The following IL1RL2 variants were observed in gnomAD, a reference collection of about 807,000 sequenced individuals.
IL1RL2 encodes the protein interleukin 1 receptor like 2, also known as interleukin-1 receptor-like 2.
Under a neutral mutation model 66.8 loss-of-function variants are expected in IL1RL2, and 68 were observed. The observed-to-expected ratio is 1.02, with a 90% confidence interval of 0.84 to 1.25. IL1RL2 has a LOEUF of 1.25. IL1RL2 is among the 50% of genes most tolerant of loss of function. The pLI is 0.00. For missense variants in IL1RL2, 729 were observed against 709.3 expected (o/e 1.03, Z -0.32); for synonymous variants, 305 against 264.6 (o/e 1.15, Z -1.48).
In IL1RL2 at chr2:102,225,943, T is replaced by C. The variant is rs1174434909; in HGVS notation, c.1037T>C (p.Val346Ala). 1 of 1,607,992 alleles carries C rather than the reference T, an allele frequency of 6.2e-7. No homozygotes were observed. The highest frequency in any genetic ancestry group is 8.5e-7 in the Non-Finnish European group (1 of 1,176,930). The change falls in exon 9 of 12, where the codon GTG becomes GCG. Residue 346 changes from valine to alanine, a missense_variant. Transcript: ENST00000264257. The stretch of plus-strand genomic sequence containing the variant: ...TTGATAGGAGGGCTTATCGCCTTGG[T>C]GGCTGTGGCTGTGTCTGTTGTGTAC... ...AYLIGGLIAL[V>A]AVAVSVVYIY...
intron 9 of IL1RL2, among the ~76,000 whole-genome samples, chr2:102,231,493 C>T (rs1369478215): frequency 6.7e-6 from 1 of 148,934 alleles, no homozygotes; most frequent in East Asian, 1.9e-4. Context: ...AGTGAGACTC[C>T]ATCTAAAAAT....
At chr2:102,195,598 T>G (rs1687633548) in intron 4 of IL1RL2, among the ~76,000 whole-genome samples, 2 of 17,822 alleles carry the variant, frequency 1.1e-4, no homozygotes, top group African/African-American at 3.2e-4. Context: ...TCTTTCTTTC[T>G]TTCTTTCTTT....
At chr2:102,187,227 C>G (rs1686759131) in intron 1 of IL1RL2, 141 bp downstream of exon 1, 2 of 1,203,292 alleles carry the variant, frequency 1.7e-6, no homozygotes, top group African/African-American at 3.1e-5. Flanking sequence ...CCCCGACCGG[C>G]TAGGTGACCA....
chr2:102,235,741 A>G (rs1202207788), intron 11 of IL1RL2: 6 of 985,312 alleles, frequency 6.1e-6, no homozygotes, highest in African/African-American at 1.7e-5. Flanking sequence ...ACGCCTGTCC[A>G]GTGTCTTCAG....
intron 4 of IL1RL2, among the ~76,000 whole-genome samples, chr2:102,198,313 G>A (rs1687954683): frequency 6.6e-6 from 1 of 152,182 alleles, no homozygotes; most frequent in Non-Finnish European, 1.5e-5. Context: ...CTTACGTCTG[G>A]GAGAATTGAA....
At position 102,235,276 on chromosome 2, in the gene IL1RL2, A is replaced by C; in HGVS notation, c.1677A>C (p.Ala559=). The C allele has an allele frequency of 1.9e-6, 3 of 1,611,750 alleles. No individual in the cohort carries two copies. Among genetic ancestry groups the C allele is most frequent in the Non-Finnish European group, 2.5e-6 (3 of 1,178,888 alleles). The change falls in exon 11 of 12, where the codon GCA becomes GCC. Residue 559 remains alanine, a splice_region_variant and synonymous_variant. Transcript: ENST00000264257. ...LLQHTPCYRT[A]GPELGSRRKK... ...AGCACACACCTTGCTACCGCACCGC[A>C]GGTGAGCGGGTGGGAGGACACGAGG...
intron 9 of IL1RL2, among the ~76,000 whole-genome samples, 195 bp downstream of exon 9, chr2:102,226,236 G>T (rs1018029297): frequency 5.9e-5 from 9 of 152,210 alleles, no homozygotes; most frequent in African/African-American, 1.9e-4. Context: ...GATAAGGCTT[G>T]CAGGCTCGTA....
At chr2:102,192,234 A>G in intron 4 of IL1RL2, 114 bp downstream of exon 4, 1 of 641,904 alleles carries the variant, frequency 1.6e-6, no homozygotes, top group Non-Finnish European at 2.6e-6. Flanking sequence ...TTGTGTGCCT[A>G]AGATAGATTA....
chr2:102,189,267 C>T lies in IL1RL2; in HGVS notation c.250C>T (p.Pro84Ser), dbSNP rs1249983888. The T allele has an allele frequency of 1.2e-6, 2 of 1,613,542 alleles. No individual in the cohort carries two copies. The highest frequency in any genetic ancestry group is 1.7e-5 in the Admixed American group (1 of 60,002). Residue 84 changes from proline (P) to serine (S), a missense_variant, in exon 3 of 12, where the codon CCC (proline) becomes TCC (serine). Physicochemically the swap from Pro to Ser is moderately conservative, Grantham distance 74. Transcript: ENST00000264257. ...GGACGAGACTTGGATTTTGTTTCTC[C>T]CCATGGAATGGGGGGACTCAGGAGT... Reference protein sequence around the residue: ...HQDETWILFLPMEWGDSGVYQ... With the variant: ...HQDETWILFLSMEWGDSGVYQ...
At chr2:102,199,259 A>T (rs757150277) in intron 4 of IL1RL2, among the ~76,000 whole-genome samples, 11 of 152,214 alleles carry the variant, frequency 7.2e-5, no homozygotes, top group Non-Finnish European at 1.3e-4. Flanking sequence ...CACAGCAACT[A>T]AAGGATCTTT....
chr2:102,220,496 C>T (rs1039407079), intron 8 of IL1RL2, among the ~76,000 whole-genome samples: 2 of 152,080 alleles, frequency 1.3e-5, no homozygotes, highest in African/African-American at 4.8e-5. Context: ...GAGTACCGTA[C>T]AGAACTAATT....
chr2:102,195,605 CTTTCTTTCTTTCTT>C (rs1687643793), intron 4 of IL1RL2, among the ~76,000 whole-genome samples: 3 of 17,856 alleles, frequency 1.7e-4, no homozygotes, highest in Non-Finnish European at 2.5e-4. Flanking sequence ...TTCTTTCTTT[CTTTCTTTCTTTCTT>C]TCTTTCTTTC....
chr2:102,192,824 T>G (rs1319456827), intron 4 of IL1RL2, among the ~76,000 whole-genome samples: 1 of 152,212 alleles, frequency 6.6e-6, no homozygotes. Context: ...ATGGGAAGAT[T>G]TTCATCTATT....
chr2:102,225,397 G>A (rs1017681266), intron 8 of IL1RL2, among the ~76,000 whole-genome samples: 3 of 152,204 alleles, frequency 2.0e-5, no homozygotes, highest in Admixed American at 6.5e-5. Flanking sequence ...CTTCCAGAGG[G>A]GACAACTGTT....
intron 8 of IL1RL2, among the ~76,000 whole-genome samples, chr2:102,222,923 A>G (rs1690264391): frequency 6.6e-6 from 1 of 152,182 alleles, no homozygotes; most frequent in Admixed American, 6.5e-5. Context: ...ACTGAATAAT[A>G]TAGACTGAAG....
In IL1RL2 at chr2:102,237,094, AT is replaced by A. The variant is rs72273929; in HGVS notation, c.1678+1819del. Among the ~76,000 whole-genome samples the A allele has an allele frequency of 4.6e-3, 701 of 152,304 alleles. 11 individuals are homozygous for A. Among genetic ancestry groups the A allele is most frequent in the African/African-American group, 0.016 (676 of 41,562 alleles). On this transcript the variant is annotated intron_variant, in intron 11 of 11. Coordinates refer to ENST00000264257, the MANE Select transcript of IL1RL2 (RefSeq NM_003854.4). Reference sequence around the variant, plus strand: ...ATTGCTAGAGAATCCATTTTCTAAAATTCACAGGCACACCCTTCAGAGAGGA... The same window carrying A: ...ATTGCTAGAGAATCCATTTTCTAAAATCACAGGCACACCCTTCAGAGAGGA...
intron 7 of IL1RL2, among the ~76,000 whole-genome samples, chr2:102,219,421 G>A (rs1023789537): frequency 2.0e-5 from 3 of 152,202 alleles, no homozygotes; most frequent in Non-Finnish European, 4.4e-5. Context: ...AGAAATAGTA[G>A]TATAGTTCTT....
intron 5 of IL1RL2, among the ~76,000 whole-genome samples, chr2:102,202,810 T>G (rs941258887): frequency 1.3e-5 from 2 of 152,230 alleles, no homozygotes; most frequent in Non-Finnish European, 2.9e-5. Context: ...AAATATAAGA[T>G]CATATCATTT....
intron 3 of IL1RL2, among the ~76,000 whole-genome samples, chr2:102,189,931 C>A (rs1687085711): frequency 6.6e-6 from 1 of 152,176 alleles, no homozygotes; most frequent in Admixed American, 6.5e-5. Flanking sequence ...GGATTACAGG[C>A]CTGAGCCACC....
Sources: allele counts gnomAD v4.1 joint callset (sites outside exome capture counted in the v4.1 genomes callset), GRCh38; gene constraint gnomAD v4.1.1; transcripts MANE v1.5; gene names NCBI Gene and HGNC (gene_info 2026-07-23, HGNC 2026-07-21).